Variants in TENM3 observed in about 807,000 individuals in gnomAD.
TENM3 encodes teneurin transmembrane protein 3, also known as teneurin-3.
TENM3 carries 63 observed loss-of-function variants against 255.1 expected under a neutral mutation model. The ratio of observed to expected loss-of-function variants is 0.25; its 90% CI spans 0.20 to 0.30. TENM3 has a LOEUF of 0.30. Among genes scored for constraint, TENM3 ranks in the 10% least tolerant of loss-of-function variants. The probability of loss-of-function intolerance (pLI) is 1.00; values close to 1 mark genes in which losing one functional copy is unlikely to be tolerated. For missense variants in TENM3, 2,929 were observed against 3,461.1 expected, an observed-to-expected ratio of 0.85 and a Z score of 3.86; for synonymous variants, 1,306 against 1,322.3, an observed-to-expected ratio of 0.99 and a Z score of 0.27.
At chr4:182,526,976 A>AT (rs34308223) in intron 3 of TENM3, among the ~76,000 whole-genome samples, 44 of 147,926 alleles carry the variant, frequency 3.0e-4, no homozygotes, top group Admixed American at 6.1e-4. Flanking sequence ...GAGTTCTTTA[A>AT]TTTTTTTTTT....
chr4:181,720,586 G>A, the TENM3 span, among the ~76,000 whole-genome samples: 2 of 151,870 alleles, frequency 1.3e-5, no homozygotes, highest in African/African-American at 4.8e-5. Flanking sequence ...TGTATTGGGT[G>A]GCATGTGTAC....
Position 182,285,518 on chromosome 4 carries a change from C to T in TENM3, c.-75-38428C>T, listed in dbSNP as rs543276894. 7.2e-5 allele frequency among the ~76,000 whole-genome samples: 11 copies of T among 152,158 alleles called. No homozygotes were observed. The South Asian group carries it at 8.3e-4, about 11-fold the overall frequency. On this transcript the variant is annotated intron_variant, in intron 1 of 27. Transcript: ENST00000511685. ...TTAAGTTCTCAGCTATCTGGGTAGA[C>T]GAAACCATTTTGAAGCAACACATGA...
the TENM3 span, among the ~76,000 whole-genome samples, chr4:181,600,423 GC>G: frequency 6.6e-6 from 1 of 152,156 alleles, no homozygotes; most frequent in African/African-American, 2.4e-5. Flanking sequence ...GAGACCCACA[GC>G]CTGTTCCTGG....
the TENM3 span, chr4:181,523,098 A>T: frequency 2.0e-6 from 1 of 495,014 alleles, no homozygotes; most frequent in Non-Finnish European, 3.9e-6. Flanking sequence ...TTTGAAGGTC[A>T]CTATTTTGTT....
At chr4:181,906,925 C>A in the TENM3 span, among the ~76,000 whole-genome samples, 1 of 152,100 alleles carries the variant, frequency 6.6e-6, no homozygotes, top group South Asian at 2.1e-4. Context: ...GTCGCCCAGG[C>A]TGGAGTGCCC....
chr4:181,558,076 T>C, the TENM3 span, among the ~76,000 whole-genome samples: 6 of 152,200 alleles, frequency 3.9e-5, no homozygotes, highest in African/African-American at 1.2e-4. Context: ...TGTGACCCTC[T>C]AGAGATTTTG....
At chr4:181,958,050 C>T in the TENM3 span, among the ~76,000 whole-genome samples, 124 of 152,306 alleles carry the variant, frequency 8.1e-4, 2 homozygotes, top group East Asian at 0.019. Flanking sequence ...TCCATTAAAA[C>T]TCACAAGTAA....
At chr4:182,651,876 G>A (rs1267770182) in intron 5 of TENM3, among the ~76,000 whole-genome samples, 1 of 152,002 alleles carries the variant, frequency 6.6e-6, no homozygotes, top group African/African-American at 2.4e-5. Context: ...AAAAGAATGT[G>A]GACTGTTAAT....
the TENM3 span, among the ~76,000 whole-genome samples, chr4:181,619,808 C>G: frequency 6.6e-6 from 1 of 152,098 alleles, no homozygotes; most frequent in African/African-American, 2.4e-5. Context: ...CCATCAGAGT[C>G]ATTTGGAAAG....
chr4:182,258,917 C>T (rs1758605085), intron 1 of TENM3, among the ~76,000 whole-genome samples: 2 of 152,170 alleles, frequency 1.3e-5, no homozygotes, highest in Admixed American at 1.3e-4. Flanking sequence ...TTAAACACTT[C>T]CATTTGTACT....
At chr4:181,946,220 T>C in the TENM3 span, among the ~76,000 whole-genome samples, 1 of 152,200 alleles carries the variant, frequency 6.6e-6, no homozygotes, top group African/African-American at 2.4e-5. Context: ...ACAAGTGATA[T>C]ACATTTTAAT....
At chr4:182,223,711 G>C (rs1755977570) in intron 1 of TENM3, among the ~76,000 whole-genome samples, 1 of 148,728 alleles carries the variant, frequency 6.7e-6, no homozygotes, top group Admixed American at 6.8e-5. Context: ...CTGTAATATT[G>C]AGTGTGTGTG....
intron 1 of TENM3, among the ~76,000 whole-genome samples, chr4:182,289,861 T>TGTCGGGTTGCCCGCGGCTCCACC (rs1760994419): frequency 1.3e-5 from 2 of 152,124 alleles, no homozygotes; most frequent in Admixed American, 6.5e-5. Context: ...GTTGCTTCAG[T>TGTCGGGTTGCCCGCGGCTCCACC]GTCGGGTTGC....
the TENM3 span, among the ~76,000 whole-genome samples, chr4:181,544,416 A>AC: frequency 7.8e-6 from 1 of 128,180 alleles, no homozygotes; most frequent in East Asian, 2.0e-4. Context: ...ATTAAAAAAA[A>AC]AAAAAAAAAA....
intron 3 of TENM3, chr4:182,349,747 T>TA (rs1765051814): frequency 4.2e-6 from 1 of 237,746 alleles, no homozygotes; most frequent in Non-Finnish European, 8.4e-6. Context: ...GTGTTTTTAA[T>TA]TGCTCTAACT....
chr4:181,454,590 C>T, the TENM3 span, among the ~76,000 whole-genome samples: 7 of 128,590 alleles, frequency 5.4e-5, no homozygotes, highest in South Asian at 7.4e-4. Flanking sequence ...CTTACGCAGA[C>T]GTACAATTTT....
the TENM3 span, among the ~76,000 whole-genome samples, chr4:181,992,187 C>T: frequency 1.5e-4 from 23 of 152,126 alleles, no homozygotes; most frequent in African/African-American, 5.5e-4. Flanking sequence ...CTAGAATTTA[C>T]CAAAAGTCTC....
At chr4:181,503,128 C>A in the TENM3 span, among the ~76,000 whole-genome samples, 1 of 152,074 alleles carries the variant, frequency 6.6e-6, no homozygotes, top group African/African-American at 2.4e-5. Context: ...CCTGGGAGAC[C>A]GAGGTGGGAG....
intron 1 of TENM3, among the ~76,000 whole-genome samples, chr4:182,322,987 T>G (rs1763151538): frequency 6.6e-6 from 1 of 152,102 alleles, no homozygotes; most frequent in Admixed American, 6.6e-5. Flanking sequence ...AGATAAAGCC[T>G]TCGGGGTCCT....
Sources: gnomAD v4.1 joint callset for allele counts (sites outside exome capture counted in the v4.1 genomes callset) on GRCh38, gnomAD v4.1.1 for gene constraint, MANE v1.5 for transcripts, NCBI Gene and HGNC (gene_info 2026-07-23, HGNC 2026-07-21) for gene names.